FOXK1: variants seen among roughly 807,000 people sequenced by gnomAD.
FOXK1 encodes the protein forkhead box protein K1.
In FOXK1, 19 loss-of-function variants were observed where a neutral mutation model predicts 51.9. The ratio of observed to expected loss-of-function variants is 0.37; its 90% CI spans 0.26 to 0.54. The LOEUF (loss-of-function observed/expected upper bound fraction) is 0.54, where lower values mean the gene tolerates loss of function less well. FOXK1 is among the 20% of genes least tolerant of loss of function. The pLI, the probability that FOXK1 is intolerant of heterozygous loss-of-function variation, is 0.87. For missense variants in FOXK1, 870 were observed against 1,032.7 expected (o/e 0.84, Z 2.16); for synonymous variants, 537 against 482.6 (o/e 1.11, Z -1.48).
At position 4,709,261 on chromosome 7, in the gene FOXK1, A is replaced by G. The variant is rs1162407166; in HGVS notation, c.560+26393A>G. 2.0e-5 allele frequency among the ~76,000 whole-genome samples: 3 copies of G among 151,660 alleles called. No individual in the cohort carries two copies. The highest frequency in any genetic ancestry group is 6.6e-5 in the Admixed American group (1 of 15,230). The stretch of plus-strand genomic sequence containing the variant: ...CCCACCCTGTCATCCCGAGAATCCC[A>G]CTGCATGTTTTGGATCTGTCCGGGA... On this transcript the variant is annotated intron_variant, in intron 1 of 8. Transcript: ENST00000328914. The surrounding 1 kb of genome is among the most constrained non-coding windows in gnomAD (Gnocchi z 5.6).
In FOXK1 at chr7:4,759,116, C is replaced by T. The variant is rs759746505; in HGVS notation, c.1310C>T (p.Pro437Leu). ...MSPRSGGLQT[P>L]ECLSREGSPI... ...CCTCGCTCCGGCGGCCTGCAGACCC[C>T]AGAGTGCCTGTCTCGGGAGGGCTCC... Residue 437 changes from proline to leucine, a missense_variant, in exon 6 of 9, where the codon CCA becomes CTA. Pro to Leu is a moderately conservative substitution (Grantham distance 98). This residue lies in a region of FOXK1 where 457 missense variants were observed against 510.8 expected (regional missense o/e 0.89). Transcript: ENST00000328914. 2.5e-6 allele frequency: 4 copies of T among 1,612,064 alleles called. No homozygotes were observed. Among genetic ancestry groups the T allele is most frequent in the East Asian group, 2.2e-5 (1 of 44,874 alleles).
In FOXK1 at chr7:4,682,338, C is replaced by T. The variant is rs1434391444; in HGVS notation, c.30C>T (p.Ala10=). ...CCGAAGTCGGCGAGGACAGCGGCGCCCGCGCCCTGCTCGCGCTGCGCTCGG... is the reference window on the plus strand; with the variant it reads ...CCGAAGTCGGCGAGGACAGCGGCGCTCGCGCCCTGCTCGCGCTGCGCTCGG... The part of the protein sequence containing the change: MAEVGEDSG[A]RALLALRSAP... Residue 10 remains alanine, a synonymous_variant, in exon 1 of 9, where the codon GCC becomes GCT. Transcript: ENST00000328914. The surrounding 1 kb of genome is among the most constrained non-coding windows in gnomAD (Gnocchi z 7.6). The T allele has an allele frequency of 2.0e-6, 2 of 994,382 alleles. No individual in the cohort carries two copies. The highest frequency in any genetic ancestry group is 2.4e-6 in the Non-Finnish European group (2 of 837,558). 61.6% of individuals were successfully genotyped at this position (994,382 alleles called of 1,614,324 possible).
intron 1 of FOXK1, among the ~76,000 whole-genome samples, chr7:4,695,880 G>C (rs1387745636): frequency 2.0e-5 from 3 of 151,094 alleles, no homozygotes; most frequent in African/African-American, 7.3e-5. Context: ...AGATTGCGGT[G>C]AGCCGAGATG....
At position 4,768,402 on chromosome 7, in the gene FOXK1, G is replaced by A. The variant is rs1781048303; in HGVS notation, c.*5938G>A. ...CCGCCTCGGCCTCCCAAAGTGCTGG[G>A]ATTACAGGCGTGAGCCACCGCGCCC... On this transcript the variant is annotated 3_prime_UTR_variant, in exon 9 of 9. Coordinates refer to ENST00000328914, the MANE Select transcript of FOXK1 (RefSeq NM_001037165.2). The A allele has an allele frequency of 7.2e-6, 1 of 138,306 alleles. No homozygotes were observed. Among genetic ancestry groups the A allele is most frequent in the African/African-American group, 3.4e-5 (1 of 29,180 alleles). 8.6% of individuals were successfully genotyped at this position (138,306 alleles called of 1,614,324 possible). A position where few individuals can be genotyped will look rare whatever the true frequency, so the allele number is the denominator to read the frequency against.
intron 1 of FOXK1, among the ~76,000 whole-genome samples, chr7:4,706,076 A>G (rs1396955735): frequency 6.7e-6 from 1 of 149,000 alleles, no homozygotes; most frequent in African/African-American, 2.5e-5. Context: ...GTATATATGT[A>G]TATATGCAAT....
At chr7:4,719,277 A>G (rs1780278570) in intron 1 of FOXK1, among the ~76,000 whole-genome samples, 1 of 151,718 alleles carries the variant, frequency 6.6e-6, no homozygotes, top group Admixed American at 6.6e-5. Context: ...TGGGACTACA[A>G]GCGTGCACCA....
At chr7:4,737,141 CT>C (rs1780563254) in intron 1 of FOXK1, among the ~76,000 whole-genome samples, 1 of 152,144 alleles carries the variant, frequency 6.6e-6, no homozygotes, top group African/African-American at 2.4e-5. Flanking sequence ...GGATCCCCTT[CT>C]TCTTGTGACC....
rs552773029 is a variant in FOXK1, at chr7:4,717,440, A to C, written c.561-23398A>C. Among the ~76,000 whole-genome samples, 584 of 112,112 alleles carry C rather than the reference A, an allele frequency of 5.2e-3. 4 individuals carry two copies. The highest frequency in any genetic ancestry group is 0.021 in the African/African-American group (560 of 27,088). The allele number at this position is 112,112 out of a possible 152,430, so 73.5% of individuals were successfully genotyped here. A position where few individuals can be genotyped will look rare whatever the true frequency, so the allele number is the denominator to read the frequency against. On this transcript the variant is annotated intron_variant, in intron 1 of 8. Transcript: ENST00000328914. ...GATGGAAGGTGGTGGTGGGAGGTGC[A>C]TGACTGGGAGGTGTGTGGCTGGGAG...
At chr7:4,720,708 CTTT>C in intron 1 of FOXK1, among the ~76,000 whole-genome samples, 2 of 144,630 alleles carry the variant, frequency 1.4e-5, no homozygotes, top group Non-Finnish European at 1.5e-5. Flanking sequence ...TAGCTTTTTA[CTTT>C]TTTTTTTTTT....
Position 4,758,968 on chromosome 7 carries a change from C to A in FOXK1, c.1245-83C>A, listed in dbSNP as rs1276894719. On this transcript the variant is annotated intron_variant, in intron 5 of 8. Coordinates refer to ENST00000328914, the MANE Select transcript of FOXK1 (RefSeq NM_001037165.2). This position sits in a 1 kb window ranked among gnomAD's most constrained non-coding sequence, Gnocchi z 4.4. ...TCCAGGGAGCGTGGGCGGGTGACGG[C>A]GCTGAGATGCGTGATGTCTCGGAAA... The A allele has an allele frequency of 1.4e-6, 2 of 1,440,426 alleles. No individual in the cohort carries two copies. The highest frequency in any genetic ancestry group is 1.9e-6 in the Non-Finnish European group (2 of 1,076,484). The allele number at this position is 1,440,426 out of a possible 1,614,324, so 89.2% of individuals were successfully genotyped here. A position where few individuals can be genotyped will look rare whatever the true frequency, so the allele number is the denominator to read the frequency against.
chr7:4,713,434 G>A (rs111576717), intron 1 of FOXK1, among the ~76,000 whole-genome samples: 8,464 of 152,090 alleles, frequency 0.056, 303 homozygotes, highest in Middle Eastern at 0.095. Context: ...CTTCTGGGCC[G>A]GGAAAGCCCT....
In FOXK1 at chr7:4,753,442, G is replaced by A. The variant is rs1780804231; in HGVS notation, c.747-1017G>A. Among the ~76,000 whole-genome samples, 1 of 152,070 alleles carries A rather than the reference G, an allele frequency of 6.6e-6. No homozygotes were observed. The highest frequency in any genetic ancestry group is 2.4e-5 in the African/African-American group (1 of 41,416). On this transcript the variant is annotated intron_variant, in intron 2 of 8. Coordinates refer to ENST00000328914, the MANE Select transcript of FOXK1 (RefSeq NM_001037165.2). The surrounding 1 kb of genome is among the most constrained non-coding windows in gnomAD (Gnocchi z 4.9). Reference sequence around the variant, plus strand: ...TTCTGGGTGGTTCTGGATGGTTCTGGGTGGCCTGCAGGGCAGTGCAGCAGG... The same window carrying A: ...TTCTGGGTGGTTCTGGATGGTTCTGAGTGGCCTGCAGGGCAGTGCAGCAGG...
In FOXK1 at chr7:4,730,230, G is replaced by A. The variant is rs922807118; in HGVS notation, c.561-10608G>A. The stretch of plus-strand genomic sequence containing the variant: ...TTATAAACACTAAAACTGCTACCGG[G>A]TTTTAATTCACACACACCACGCACA... On this transcript the variant is annotated intron_variant, in intron 1 of 8. Coordinates refer to ENST00000328914, the MANE Select transcript of FOXK1 (RefSeq NM_001037165.2). The surrounding 1 kb of genome is among the most constrained non-coding windows in gnomAD (Gnocchi z 4.7). Among the ~76,000 whole-genome samples the A allele has an allele frequency of 6.6e-6, 1 of 152,180 alleles. No homozygotes were observed. The highest frequency in any genetic ancestry group is 2.4e-5 in the African/African-American group (1 of 41,428).
At chr7:4,741,393 A>T (rs1374459255) in intron 2 of FOXK1, among the ~76,000 whole-genome samples, 1 of 152,052 alleles carries the variant, frequency 6.6e-6, no homozygotes, top group Non-Finnish European at 1.5e-5. Context: ...CAGTGGCGCG[A>T]TCTCGGCTCA....
chr7:4,754,707 C>T (rs1456152854), intron 3 of FOXK1, 92 bp downstream of exon 3: 43 of 1,432,446 alleles, frequency 3.0e-5, no homozygotes, highest in East Asian at 1.5e-4. Flanking sequence ...CCAGGGCCTG[C>T]GGGCGTGTGC....
intron 2 of FOXK1, among the ~76,000 whole-genome samples, chr7:4,750,067 C>T (rs1411740324): frequency 1.3e-5 from 2 of 152,248 alleles, no homozygotes; most frequent in African/African-American, 2.4e-5. Flanking sequence ...ACTCAGAATC[C>T]TCCAGCTCTC....
At chr7:4,686,120 C>T (rs1304892080) in intron 1 of FOXK1, among the ~76,000 whole-genome samples, 4 of 152,164 alleles carry the variant, frequency 2.6e-5, no homozygotes, top group East Asian at 1.9e-4. Context: ...GTTTTCTCTC[C>T]GGCTTTGGTA....
rs1339694444 is a variant in FOXK1 at position 4,703,444 on chromosome 7, G to A, written c.560+20576G>A. Among the ~76,000 whole-genome samples the A allele has an allele frequency of 6.6e-6, 1 of 152,176 alleles. No homozygotes were observed. The highest frequency in any genetic ancestry group is 6.5e-5 in the Admixed American group (1 of 15,280). On this transcript the variant is annotated intron_variant, in intron 1 of 8. Transcript: ENST00000328914. The surrounding 1 kb of genome is among the most constrained non-coding windows in gnomAD (Gnocchi z 5.6). ...AACCCGCGTCTGCAGGGCTGGTGGC[G>A]TCCAGCACAGGGCAGGGTCCTGGTG...
intron 1 of FOXK1, among the ~76,000 whole-genome samples, chr7:4,693,714 G>C (rs1357648680): frequency 2.0e-5 from 3 of 152,092 alleles, no homozygotes; most frequent in Non-Finnish European, 2.9e-5. Flanking sequence ...CTGGAGTAAA[G>C]TCAGTAACAG....
Sources: allele counts gnomAD v4.1 joint callset (sites outside exome capture counted in the v4.1 genomes callset), GRCh38; gene constraint gnomAD v4.1.1; regional missense constraint gnomAD v4.1.1; non-coding constraint Gnocchi (gnomAD v3.1); transcripts MANE v1.5; gene names NCBI Gene and HGNC (gene_info 2026-07-23, HGNC 2026-07-21).